The following SNX29 variants were observed in gnomAD, a reference collection of about 807,000 sequenced individuals.
SNX29 encodes the protein sorting nexin-29.
In SNX29, 78 loss-of-function variants were observed where a neutral mutation model predicts 102.1. The observed-to-expected ratio is 0.76, with a 90% CI of 0.64 to 0.92. The LOEUF (loss-of-function observed/expected upper bound fraction) is 0.92. Among genes scored for constraint, SNX29 ranks in the 40% least tolerant of loss-of-function variants. The pLI is 0.00. For synonymous variants in SNX29, 580 were observed against 414.5 expected (o/e 1.40, Z -4.85); for missense variants, 1,280 against 1,061.7 (o/e 1.21, Z -2.86).
chr16:12,147,341 T>TA (rs1291217159), intron 13 of SNX29, among the ~76,000 whole-genome samples: 7 of 151,364 alleles, frequency 4.6e-5, no homozygotes, highest in East Asian at 1.9e-4. Context: ...CAGGAGGAAA[T>TA]AAAAAAAAAT....
intron 16 of SNX29, among the ~76,000 whole-genome samples, chr16:12,387,534 G>A (rs2083381491): frequency 6.6e-6 from 1 of 151,882 alleles, no homozygotes; most frequent in Non-Finnish European, 1.5e-5. Context: ...AAAGGGAGGG[G>A]CTGGGGTGGG....
At chr16:12,542,822 G>T (rs1021317226) in intron 20 of SNX29, among the ~76,000 whole-genome samples, 1 of 151,712 alleles carries the variant, frequency 6.6e-6, no homozygotes, top group African/African-American at 2.4e-5. Flanking sequence ...AAAGCATCCT[G>T]TAAGGTGTGT....
chr16:12,429,607 T>A (rs554345259), intron 18 of SNX29, among the ~76,000 whole-genome samples: 22 of 152,218 alleles, frequency 1.4e-4, no homozygotes, highest in Non-Finnish European at 2.6e-4. Flanking sequence ...ATTTTTCTCA[T>A]GTTACTCTAC....
intron 3 of SNX29, among the ~76,000 whole-genome samples, chr16:12,015,553 C>T (rs1478675955): frequency 7.5e-6 from 1 of 133,996 alleles, no homozygotes; most frequent in South Asian, 2.3e-4. Flanking sequence ...TTTTTTTTTC[C>T]GAGACGGAGT....
chr16:12,262,697 A>G (rs1011563848), intron 14 of SNX29, among the ~76,000 whole-genome samples: 4 of 152,238 alleles, frequency 2.6e-5, no homozygotes, highest in African/African-American at 9.6e-5. Context: ...AGACCAGGGC[A>G]GTGATGAAGG....
At chr16:12,353,760 G>C (rs189915911) in intron 15 of SNX29, among the ~76,000 whole-genome samples, 1 of 152,246 alleles carries the variant, frequency 6.6e-6, no homozygotes, top group Non-Finnish European at 1.5e-5. Context: ...AGAGGGAGAA[G>C]GGGGATTGGA....
intron 20 of SNX29, among the ~76,000 whole-genome samples, chr16:12,535,585 G>A (rs557969348): frequency 1.3e-4 from 20 of 152,164 alleles, no homozygotes; most frequent in South Asian, 2.1e-4. Flanking sequence ...GGGTATGCAC[G>A]ATTGGCAAGC....
At chr16:12,055,196 C>G (rs1030044309) in intron 8 of SNX29, among the ~76,000 whole-genome samples, 2 of 151,580 alleles carry the variant, frequency 1.3e-5, no homozygotes, top group African/African-American at 4.8e-5. Flanking sequence ...GTACCTCTAA[C>G]TCCATTTCTA....
chr16:12,519,058 G>A (rs894923379), intron 19 of SNX29, among the ~76,000 whole-genome samples: 1 of 152,184 alleles, frequency 6.6e-6, no homozygotes, highest in Non-Finnish European at 1.5e-5. Flanking sequence ...GAGTGACGGT[G>A]CTATGTGGTC....
At chr16:12,564,252 C>G (rs117801997) in intron 20 of SNX29, among the ~76,000 whole-genome samples, 1 of 152,138 alleles carries the variant, frequency 6.6e-6, no homozygotes, top group African/African-American at 2.4e-5. Flanking sequence ...TACTCAGTTC[C>G]TTTGGTATAT....
chr16:11,989,173 A>G (rs1293216793), intron 1 of SNX29, among the ~76,000 whole-genome samples: 1 of 152,088 alleles, frequency 6.6e-6, no homozygotes, highest in Non-Finnish European at 1.5e-5. Context: ...GGGTTTCACC[A>G]TGTTGTTCAG....
intron 3 of SNX29, among the ~76,000 whole-genome samples, chr16:12,016,455 C>T (rs774794323): frequency 2.6e-5 from 4 of 152,170 alleles, no homozygotes; most frequent in Non-Finnish European, 4.4e-5. Context: ...TTCACTGGCA[C>T]AAGAGTGTCA....
At chr16:12,423,477 A>C (rs1484683143) in intron 18 of SNX29, among the ~76,000 whole-genome samples, 1 of 152,220 alleles carries the variant, frequency 6.6e-6, no homozygotes. Context: ...CCCTACGAGC[A>C]CAGAGGGACA....
chr16:12,102,236 T>C (rs1335429932), intron 11 of SNX29, among the ~76,000 whole-genome samples: 1 of 152,240 alleles, frequency 6.6e-6, no homozygotes, highest in Non-Finnish European at 1.5e-5. Flanking sequence ...TCCGTGTGCA[T>C]GTGTCTTTAT....
chr16:12,282,937 G>T (rs1337098012), intron 15 of SNX29, among the ~76,000 whole-genome samples: 2 of 152,098 alleles, frequency 1.3e-5, no homozygotes, highest in Admixed American at 6.5e-5. Context: ...GATTACAGGC[G>T]TGAGCCACTG....
chr16:12,555,468 T>G (rs981484172), intron 20 of SNX29, among the ~76,000 whole-genome samples: 3 of 151,130 alleles, frequency 2.0e-5, no homozygotes, highest in African/African-American at 7.4e-5. Context: ...CTAGTTGACA[T>G]GTCTGAGGAC....
intron 6 of SNX29, 148 bp downstream of exon 6, chr16:12,046,602 G>A (rs2050100349): frequency 1.2e-5 from 9 of 721,468 alleles, no homozygotes; most frequent in Non-Finnish European, 1.4e-5. Flanking sequence ...TCTTTTACTA[G>A]GACTGAATGT....
chr16:12,139,653 T>A (rs188922214), intron 13 of SNX29, among the ~76,000 whole-genome samples: 1 of 152,276 alleles, frequency 6.6e-6, no homozygotes, highest in Non-Finnish European at 1.5e-5. Flanking sequence ...TTTCTGGGAA[T>A]TGGGGCTTTC....
At chr16:12,441,924 A>G (rs2085825537) in intron 18 of SNX29, among the ~76,000 whole-genome samples, 2 of 151,504 alleles carry the variant, frequency 1.3e-5, no homozygotes, top group South Asian at 4.1e-4. Context: ...AAGTAGCTGG[A>G]ATTAAAGACA....
Sources: gnomAD v4.1 joint callset for allele counts (sites outside exome capture counted in the v4.1 genomes callset) on GRCh38, gnomAD v4.1.1 for gene constraint, MANE v1.5 for transcripts, NCBI Gene and HGNC (gene_info 2026-07-23, HGNC 2026-07-21) for gene names.